The following ACAP2 variants were observed in gnomAD, a reference collection of about 807,000 sequenced individuals.
ACAP2 encodes arf-GAP with coiled-coil, ANK repeat and PH domain-containing protein 2.
In ACAP2, 39 loss-of-function variants were observed where a neutral mutation model predicts 115.8. That is an observed-to-expected ratio of 0.34 (90% CI 0.26 to 0.44). The LOEUF (loss-of-function observed/expected upper bound fraction) is 0.44, where lower values mean the gene tolerates loss of function less well. Ranked by LOEUF, ACAP2 falls within the 20% of genes least tolerant of loss-of-function variation. The probability of loss-of-function intolerance (pLI) is 1.00; values close to 1 mark genes in which losing one functional copy is unlikely to be tolerated. For synonymous variants in ACAP2, 289 were observed against 315.8 expected (o/e 0.92, Z 0.90); for missense variants, 662 against 927.6 (o/e 0.71, Z 3.72).
chr3:195,305,007 C>T (rs1481005652), intron 13 of ACAP2, among the ~76,000 whole-genome samples: 1 of 152,134 alleles, frequency 6.6e-6, no homozygotes, highest in Non-Finnish European at 1.5e-5. Flanking sequence ...TGGGGTGGTA[C>T]CTAAGCAATG....
chr3:195,362,287 G>C lies in ACAP2; in HGVS notation c.286-16970C>G, dbSNP rs542028462. Among the ~76,000 whole-genome samples the C allele has an allele frequency of 6.5e-4, 96 of 147,490 alleles. 2 individuals are homozygous for C. The highest frequency in any genetic ancestry group is 7.6e-4 in the Admixed American group (11 of 14,552). ...GCCGAGATTGCGCCACTGCACTCTA[G>C]CCTGGGCAACAAGAGTGAAAACTCC... is the stretch of plus-strand genomic sequence containing the variant. On this transcript the variant is annotated intron_variant, in intron 4 of 22. Coordinates refer to ENST00000326793, the MANE Select transcript of ACAP2 (RefSeq NM_012287.6).
intron 6 of ACAP2, 145 bp from the exon 7 acceptor site, chr3:195,337,121 AT>A: frequency 1.5e-6 from 1 of 661,946 alleles, no homozygotes; most frequent in East Asian, 3.1e-5. Flanking sequence ...TCCTTCAACT[AT>A]CCTTTTGCAA....
chr3:195,347,970 C>G (rs1451608926), intron 4 of ACAP2, among the ~76,000 whole-genome samples: 1 of 151,774 alleles, frequency 6.6e-6, no homozygotes, highest in Non-Finnish European at 1.5e-5. Context: ...TGTGATCACG[C>G]CACTGCACTG....
At position 195,411,127 on chromosome 3, in the gene ACAP2, A is replaced by G. The variant is rs146438084; in HGVS notation, c.54-18980T>C. On this transcript the variant is annotated intron_variant, in intron 1 of 22. Coordinates refer to ENST00000326793, the MANE Select transcript of ACAP2 (RefSeq NM_012287.6). ...CATTAGGATGGCTACTAAAAAAAAC[A>G]TAACAAGTGTCAATGAGGACGTGGA... 1,179 of 191,854 alleles carry G rather than the reference A, an allele frequency of 6.1e-3. 16 individuals carry two copies. Among genetic ancestry groups the G allele is most frequent in the African/African-American group, 0.024 (1,021 of 42,040 alleles). 11.9% of individuals were successfully genotyped at this position (191,854 alleles called of 1,614,324 possible). A position where few individuals can be genotyped will look rare whatever the true frequency, so the allele number is the denominator to read the frequency against.
At chr3:195,374,613 GTT>G (rs576407752) in intron 4 of ACAP2, among the ~76,000 whole-genome samples, 70 of 152,318 alleles carry the variant, frequency 4.6e-4, no homozygotes, top group Middle Eastern at 6.8e-3. Flanking sequence ...TATATAGGCA[GTT>G]TCTCGTCATT....
At position 195,333,062 on chromosome 3, in the gene ACAP2, T is replaced by A; in HGVS notation, c.635A>T (p.Glu212Val). 1 of 1,610,870 alleles carries A rather than the reference T, an allele frequency of 6.2e-7. No individual in the cohort carries two copies. The highest frequency in any genetic ancestry group is 2.3e-5 in the East Asian group (1 of 44,442). ...AAGATCCTTCATGTAGGGTCCAAGT[T>A]CACTAAACAGATCATATCCTTGATG... Reference protein sequence around the residue: ...FFHQGYDLFSELGPYMKDLGA... With the variant: ...FFHQGYDLFSVLGPYMKDLGA... The change falls in exon 8 of 23, where the codon GAA (glutamate) becomes GTA (valine). Residue 212 changes from glutamate (E) to valine (V), a missense_variant. Glu to Val is a moderately radical substitution (Grantham distance 121, BLOSUM62 -2). Transcript: ENST00000326793.
chr3:195,442,688 G>A, intron 1 of ACAP2, 107 bp downstream of exon 1: 1 of 1,225,678 alleles, frequency 8.2e-7, no homozygotes, highest in Non-Finnish European at 1.1e-6. Flanking sequence ...TCGCCCCGTC[G>A]GAAGGAGCGG....
At chr3:195,307,367 T>G (rs374440927) in intron 11 of ACAP2, 44 bp from the exon 12 acceptor site, 1 of 1,167,204 alleles carries the variant, frequency 8.6e-7, no homozygotes, top group African/African-American at 1.5e-5. Context: ...CACTTAGGTT[T>G]TAATACTACC....
chr3:195,283,507 A>G lies in ACAP2; in HGVS notation c.2236+2289T>C, dbSNP rs145692175. Among the ~76,000 whole-genome samples the G allele has an allele frequency of 5.0e-3, 763 of 152,340 alleles. 6 individuals carry two copies. The highest frequency in any genetic ancestry group is 7.7e-3 in the Non-Finnish European group (522 of 68,026). On this transcript the variant is annotated intron_variant, in intron 22 of 22. Transcript: ENST00000326793. ...CCCAGAGTTCTGAGGTTTTCATTCT[A>G]TTGCTAAGAAAACCAAAAAAGGATC...
intron 1 of ACAP2, among the ~76,000 whole-genome samples, chr3:195,398,302 CA>C (rs1030280598): frequency 7.9e-5 from 12 of 152,126 alleles, no homozygotes; most frequent in Non-Finnish European, 1.8e-4. Context: ...TAATCTTAGC[CA>C]AAAGGCCAAG....
chr3:195,386,801 T>A (rs865819832), intron 2 of ACAP2, among the ~76,000 whole-genome samples: 78 of 141,396 alleles, frequency 5.5e-4, no homozygotes, highest in African/African-American at 1.0e-3. Context: ...AAGTAAAATT[T>A]AAAAAAAAAA....
intron 1 of ACAP2, among the ~76,000 whole-genome samples, chr3:195,433,736 G>A (rs1715318064): frequency 6.6e-6 from 1 of 152,132 alleles, no homozygotes; most frequent in Non-Finnish European, 1.5e-5. Context: ...TATTATTATA[G>A]TATATTGCAT....
chr3:195,320,217 A>T (rs1729360952), intron 10 of ACAP2, among the ~76,000 whole-genome samples: 1 of 152,210 alleles, frequency 6.6e-6, no homozygotes, highest in Non-Finnish European at 1.5e-5. Flanking sequence ...CTCAGGTAGT[A>T]TCTTTATAAC....
intron 4 of ACAP2, among the ~76,000 whole-genome samples, chr3:195,379,168 G>A (rs1407654241): frequency 6.6e-6 from 1 of 152,036 alleles, no homozygotes; most frequent in African/African-American, 2.4e-5. Context: ...GGTCAAATTG[G>A]TGTCAAATAC....
chr3:195,397,220 T>C (rs1255263646), intron 1 of ACAP2, among the ~76,000 whole-genome samples: 2 of 152,224 alleles, frequency 1.3e-5, no homozygotes, highest in East Asian at 1.9e-4. Flanking sequence ...TATATGTATG[T>C]GTCCATCATA....
intron 6 of ACAP2, among the ~76,000 whole-genome samples, chr3:195,339,268 T>G (rs773796624): frequency 2.0e-5 from 3 of 152,108 alleles, no homozygotes; most frequent in Non-Finnish European, 4.4e-5. Context: ...TAGTTTCTTC[T>G]GCATGTATTT....
chr3:195,369,458 C>A (rs532490796), intron 4 of ACAP2, among the ~76,000 whole-genome samples: 1 of 152,246 alleles, frequency 6.6e-6, no homozygotes, highest in South Asian at 2.1e-4. Flanking sequence ...ACAGTTATTC[C>A]CCTCTTTGTG....
intron 2 of ACAP2, among the ~76,000 whole-genome samples, chr3:195,385,820 G>A (rs925897222): frequency 1.3e-5 from 2 of 152,148 alleles, no homozygotes; most frequent in African/African-American, 2.4e-5. Context: ...GCCAGATACG[G>A]GACAAATAAT....
At chr3:195,427,014 A>T (rs1395637725) in intron 1 of ACAP2, among the ~76,000 whole-genome samples, 2 of 152,244 alleles carry the variant, frequency 1.3e-5, no homozygotes, top group Admixed American at 1.3e-4. Context: ...AGGGAAATTA[A>T]GGTTGCTATC....
Sources: allele counts gnomAD v4.1 joint callset (sites outside exome capture counted in the v4.1 genomes callset), GRCh38; gene constraint gnomAD v4.1.1; transcripts MANE v1.5; gene names NCBI Gene and HGNC (gene_info 2026-07-23, HGNC 2026-07-21).